The following HGSNAT variants were observed in gnomAD, a reference collection of about 807,000 sequenced individuals.
HGSNAT encodes the protein heparan-alpha-glucosaminide N-acetyltransferase.
Under a neutral mutation model 85.2 loss-of-function variants are expected in HGSNAT, and 59 were observed. The ratio of observed to expected loss-of-function variants is 0.69; its 90% CI spans 0.56 to 0.86. The LOEUF (loss-of-function observed/expected upper bound fraction) is 0.86. Among genes scored for constraint, HGSNAT ranks in the 40% least tolerant of loss-of-function variants. HGSNAT has a pLI of 0.00. For missense variants in HGSNAT, 756 were observed against 777.1 expected (o/e 0.97, Z 0.32); for synonymous variants, 321 against 304.5 (o/e 1.05, Z -0.56).
At chr8:43,159,530 A>G (rs1269491877) in intron 4 of HGSNAT, among the ~76,000 whole-genome samples, 1 of 152,128 alleles carries the variant, frequency 6.6e-6, no homozygotes, top group East Asian at 1.9e-4. Context: ...AGAAGTTGCA[A>G]TGAGCCAAGA....
At chr8:43,141,129 C>T (rs1802514931) in intron 1 of HGSNAT, among the ~76,000 whole-genome samples, 1 of 152,188 alleles carries the variant, frequency 6.6e-6, no homozygotes, top group Non-Finnish European at 1.5e-5. Context: ...AGCCTGGGGC[C>T]GGGACGCGCG....
At chr8:43,159,094 C>A (rs1034685592) in intron 4 of HGSNAT, 50 bp downstream of exon 4, 1 of 1,586,138 alleles carries the variant, frequency 6.3e-7, no homozygotes, top group East Asian at 2.3e-5. Context: ...TCAGAGGTTT[C>A]AGTTTTTGAG....
chr8:43,140,607 G>T lies in HGSNAT; in HGVS notation c.111G>T (p.Pro37=). 8.1e-7 allele frequency: 1 copy of T among 1,235,100 alleles called. No homozygotes were observed. Among genetic ancestry groups the T allele is most frequent in the Non-Finnish European group, 1.0e-6 (1 of 979,656 alleles). 76.5% of individuals were successfully genotyped at this position (1,235,100 alleles called of 1,614,324 possible). A position where few individuals can be genotyped will look rare whatever the true frequency, so the allele number is the denominator to read the frequency against. ...GSSGRDAQAA[P]PRDLDKKRHA... ...CGGGGCGCGATGCCCAGGCCGCGCCGCCACGAGGTGAGTGCACACCTCCTA... is the reference window on the plus strand; with the variant it reads ...CGGGGCGCGATGCCCAGGCCGCGCCTCCACGAGGTGAGTGCACACCTCCTA... Residue 37 remains proline (P), a synonymous_variant, in exon 1 of 18, where the codon CCG becomes CCT. Coordinates refer to ENST00000379644, the MANE Select transcript of HGSNAT (RefSeq NM_152419.3).
intron 2 of HGSNAT, among the ~76,000 whole-genome samples, chr8:43,157,935 A>C (rs1171057973): frequency 6.6e-6 from 1 of 152,226 alleles, no homozygotes; most frequent in Non-Finnish European, 1.5e-5. Context: ...GAATACATAT[A>C]TTAAGTTACA....
Position 43,196,938 on chromosome 8 carries a change from T to C in HGSNAT, c.1465-10T>C, listed in dbSNP as rs1804745819. 2 of 1,563,032 alleles carry C rather than the reference T, an allele frequency of 1.3e-6. No homozygotes were observed. The highest frequency in any genetic ancestry group is 1.8e-6 in the Non-Finnish European group (2 of 1,133,930). ...CGATTCTTTTGGTCACACTGTGTTA[T>C]CTCCTCCAGGCAGGAAAAATACTAT... On this transcript the variant is annotated splice_polypyrimidine_tract_variant and intron_variant, in intron 14 of 17. Transcript: ENST00000379644.
intron 11 of HGSNAT, among the ~76,000 whole-genome samples, chr8:43,190,789 G>C (rs1023169023): frequency 6.6e-6 from 1 of 152,132 alleles, no homozygotes; most frequent in Non-Finnish European, 1.5e-5. Flanking sequence ...CTCCCATGTT[G>C]AAAGTGTACA....
Position 43,173,607 on chromosome 8 carries a change from C to G in HGSNAT, c.821-106C>G, listed in dbSNP as rs116451196. ...ATTACGGGCATGAGTCACTGCGCCT[C>G]CCCTGGGTTTACTTTCTATACCAGT... is the stretch of plus-strand genomic sequence containing the variant. On this transcript the variant is annotated intron_variant, in intron 8 of 17. Coordinates refer to ENST00000379644, the MANE Select transcript of HGSNAT (RefSeq NM_152419.3). 1,419 of 1,245,684 alleles carry G rather than the reference C, an allele frequency of 1.1e-3. 24 individuals are homozygous for G. In the African/African-American group the frequency reaches 0.019, roughly 17 times the overall value. The allele number at this position is 1,245,684 out of a possible 1,614,324, so 77.2% of individuals were successfully genotyped here.
intron 14 of HGSNAT, chr8:43,196,296 C>A: frequency 2.7e-6 from 1 of 371,908 alleles, no homozygotes; most frequent in Non-Finnish European, 5.2e-6. Context: ...GCTTCTCATC[C>A]TTTGATGTTT....
At chr8:43,192,537 CTG>C (rs775423540) in intron 13 of HGSNAT, 107 bp downstream of exon 13, 1 of 1,197,328 alleles carries the variant, frequency 8.4e-7, no homozygotes, top group Non-Finnish European at 1.1e-6. Flanking sequence ...AGAAAACACA[CTG>C]AGAACTGATG....
intron 10 of HGSNAT, chr8:43,181,842 A>T (rs953016727): frequency 6.0e-5 from 22 of 365,248 alleles, no homozygotes; most frequent in African/African-American, 4.3e-4. Flanking sequence ...GCCTGGCTTT[A>T]TCCCCACACC....
At chr8:43,169,397 A>G (rs1803541246) in intron 6 of HGSNAT, among the ~76,000 whole-genome samples, 155 bp downstream of exon 6, 1 of 152,216 alleles carries the variant, frequency 6.6e-6, no homozygotes, top group Non-Finnish European at 1.5e-5. Flanking sequence ...CCCTCTCTTC[A>G]GCTGCTGGGA....
chr8:43,151,391 T>C (rs1043587137), intron 2 of HGSNAT, among the ~76,000 whole-genome samples: 6 of 152,210 alleles, frequency 3.9e-5, no homozygotes, highest in Admixed American at 1.3e-4. Context: ...GCTGAGCTCC[T>C]TGGGAGTGTT....
At chr8:43,163,023 A>G (rs1362721383) in intron 5 of HGSNAT, among the ~76,000 whole-genome samples, 1 of 152,100 alleles carries the variant, frequency 6.6e-6, no homozygotes, top group East Asian at 1.9e-4. Context: ...CATCTCTACT[A>G]AAAATACAAA....
At chr8:43,190,749 A>G (rs1256405137) in intron 11 of HGSNAT, among the ~76,000 whole-genome samples, 1 of 152,228 alleles carries the variant, frequency 6.6e-6, no homozygotes, top group African/African-American at 2.4e-5. Context: ...AATCACAGGT[A>G]TATTGATGTA....
intron 5 of HGSNAT, among the ~76,000 whole-genome samples, chr8:43,162,361 A>G (rs991612332): frequency 1.2e-4 from 19 of 152,298 alleles, no homozygotes; most frequent in African/African-American, 4.1e-4. Context: ...GAGGACCCCA[A>G]CTGTGTATAG....
At chr8:43,190,792 A>C (rs1006852262) in intron 11 of HGSNAT, among the ~76,000 whole-genome samples, 1 of 152,198 alleles carries the variant, frequency 6.6e-6, no homozygotes, top group East Asian at 1.9e-4. Flanking sequence ...CCATGTTGAA[A>C]GTGTACAATT....
chr8:43,182,158 G>A lies in HGSNAT; in HGVS notation c.1026G>A (p.Lys342=). ...TGTCTTTTGCAGTGTCTTGGGACAAGGTGCGCATTCCTGGTGTGCTGCAGC... is the reference window on the plus strand; with the variant it reads ...TGTCTTTTGCAGTGTCTTGGGACAAAGTGCGCATTCCTGGTGTGCTGCAGC... ...NYCLGPLSWD[K]VRIPGVLQRL... is the part of the protein sequence containing the mutation. Residue 342 remains lysine (K), a synonymous_variant, in exon 11 of 18, where the codon AAG becomes AAA. Transcript: ENST00000379644. 1.2e-6 allele frequency: 2 copies of A among 1,613,890 alleles called. No individual in the cohort carries two copies. The highest frequency in any genetic ancestry group is 1.7e-6 in the Non-Finnish European group (2 of 1,179,788).
chr8:43,144,924 A>G (rs934054188), intron 1 of HGSNAT, among the ~76,000 whole-genome samples: 3 of 152,116 alleles, frequency 2.0e-5, no homozygotes, highest in African/African-American at 7.2e-5. Flanking sequence ...GATATAAGGC[A>G]CTCAGGAACA....
chr8:43,196,929 A>G lies in HGSNAT; in HGVS notation c.1465-19A>G, dbSNP rs1309108117. On this transcript the variant is annotated intron_variant, in intron 14 of 17. Transcript: ENST00000379644. ...TCCCTTTGGCGATTCTTTTGGTCAC[A>G]CTGTGTTATCTCCTCCAGGCAGGAA... The G allele has an allele frequency of 2.0e-6, 3 of 1,493,646 alleles. No homozygotes were observed. The South Asian group carries it at 3.4e-5, about 17-fold the overall frequency. The allele number at this position is 1,493,646 out of a possible 1,614,324, so 92.5% of individuals were successfully genotyped here.
Sources: gnomAD v4.1 joint callset for allele counts (sites outside exome capture counted in the v4.1 genomes callset) on GRCh38, gnomAD v4.1.1 for gene constraint, MANE v1.5 for transcripts, NCBI Gene and HGNC (gene_info 2026-07-23, HGNC 2026-07-21) for gene names.